The following GATAD2B variants were observed in gnomAD, a reference collection of about 807,000 sequenced individuals.
GATAD2B encodes transcriptional repressor p66-beta.
In GATAD2B, 8 loss-of-function variants were observed where a neutral mutation model predicts 64.3. That is an observed-to-expected ratio of 0.12 (90% confidence interval 0.07 to 0.22). The LOEUF (loss-of-function observed/expected upper bound fraction) is 0.22. Ranked by LOEUF, GATAD2B falls within the 10% of genes least tolerant of loss-of-function variation. The pLI, the probability that GATAD2B is intolerant of heterozygous loss-of-function variation, is 1.00. For missense variants in GATAD2B, 453 were observed against 752.0 expected (o/e 0.60, Z 4.65); for synonymous variants, 281 against 271.3 (o/e 1.04, Z -0.35).
chr1:153,911,502 A>C (rs367566546), intron 1 of GATAD2B, among the ~76,000 whole-genome samples: 3 of 152,318 alleles, frequency 2.0e-5, no homozygotes, highest in Non-Finnish European at 4.4e-5. Context: ...TGGGAGGCCG[A>C]GGCGGGTGGA....
chr1:153,826,381 C>A (rs968731962), intron 2 of GATAD2B, among the ~76,000 whole-genome samples: 3 of 152,110 alleles, frequency 2.0e-5, no homozygotes, highest in Non-Finnish European at 2.9e-5. Context: ...ATAATCCCAG[C>A]ACTTTGGGAG....
At chr1:153,852,737 G>C (rs1450525815) in intron 1 of GATAD2B, 1 of 917,816 alleles carries the variant, frequency 1.1e-6, no homozygotes, top group Non-Finnish European at 1.8e-6. Context: ...TTGGTAGACA[G>C]GGAGTGAAGC....
At chr1:153,868,733 A>G (rs1465054388) in intron 1 of GATAD2B, among the ~76,000 whole-genome samples, 1 of 149,768 alleles carries the variant, frequency 6.7e-6, no homozygotes, top group Non-Finnish European at 1.5e-5. Flanking sequence ...TATATATACT[A>G]TATACTTTTT....
chr1:153,842,251 G>A (rs1307627977), intron 1 of GATAD2B, among the ~76,000 whole-genome samples: 1 of 152,100 alleles, frequency 6.6e-6, no homozygotes, highest in African/African-American at 2.4e-5. Context: ...ATGTTTATTT[G>A]CCATCTGTAA....
chr1:153,845,251 T>A (rs1464548385), intron 1 of GATAD2B, among the ~76,000 whole-genome samples: 2 of 152,012 alleles, frequency 1.3e-5, no homozygotes, highest in Non-Finnish European at 2.9e-5. Flanking sequence ...ATATTTACGG[T>A]CAATTGATTT....
Position 153,876,211 on chromosome 1 carries a change from C to T in GATAD2B, c.-2+46522G>A, listed in dbSNP as rs192400497. 2.5e-4 allele frequency among the ~76,000 whole-genome samples: 24 copies of T among 94,222 alleles called. 1 individual carries two copies. The East Asian group carries it at 8.7e-3, about 34-fold the overall frequency. The allele number at this position is 94,222 out of a possible 152,430, so 61.8% of individuals were successfully genotyped here. ...CCACTACACTCCAGCCTGGGCAACA[C>T]AGTGAGACTTCGTCTCAAAAAAAAA... is the stretch of plus-strand genomic sequence containing the variant. On this transcript the variant is annotated intron_variant, in intron 1 of 10. Transcript: ENST00000368655.
chr1:153,875,671 C>T (rs1335729701), intron 1 of GATAD2B, among the ~76,000 whole-genome samples: 2 of 109,012 alleles, frequency 1.8e-5, no homozygotes, highest in African/African-American at 3.7e-5. Flanking sequence ...AGACCTACCA[C>T]GAGTTTGGAG....
At chr1:153,922,380 C>T (rs1449930978) in intron 1 of GATAD2B, among the ~76,000 whole-genome samples, 1 of 143,470 alleles carries the variant, frequency 7.0e-6, no homozygotes, top group African/African-American at 2.6e-5. Flanking sequence ...GCGGGGGAAA[C>T]GGGGCGTGAG....
chr1:153,894,678 C>A, intron 1 of GATAD2B, among the ~76,000 whole-genome samples: 1 of 150,986 alleles, frequency 6.6e-6, no homozygotes, highest in East Asian at 2.0e-4. Context: ...CTGGCTAACA[C>A]GGGGAAACCC....
chr1:153,831,554 A>G (rs753867672), intron 1 of GATAD2B, among the ~76,000 whole-genome samples: 11 of 152,190 alleles, frequency 7.2e-5, no homozygotes, highest in Non-Finnish European at 1.6e-4. Context: ...ATATCATACA[A>G]TTCACCTATG....
intron 1 of GATAD2B, among the ~76,000 whole-genome samples, chr1:153,894,521 T>C (rs1357091947): frequency 6.6e-6 from 1 of 151,758 alleles, no homozygotes; most frequent in Non-Finnish European, 1.5e-5. Flanking sequence ...GGTGGTCACC[T>C]TACAATTAAA....
intron 1 of GATAD2B, among the ~76,000 whole-genome samples, chr1:153,860,071 C>T (rs1294395490): frequency 3.3e-5 from 5 of 151,724 alleles, no homozygotes; most frequent in Non-Finnish European, 4.4e-5. Context: ...GTGGCCACCA[C>T]GCCCAGCTAA....
intron 1 of GATAD2B, among the ~76,000 whole-genome samples, chr1:153,832,353 C>T (rs1421705929): frequency 6.6e-6 from 1 of 152,220 alleles, no homozygotes; most frequent in East Asian, 1.9e-4. Context: ...TTTTAGTGCA[C>T]TGGCAAGATC....
At chr1:153,879,238 C>T (rs561075257) in intron 1 of GATAD2B, among the ~76,000 whole-genome samples, 241 of 151,868 alleles carry the variant, frequency 1.6e-3, no homozygotes, top group African/African-American at 5.4e-3. Context: ...CCACACCTGG[C>T]CAATTTTTTT....
intron 1 of GATAD2B, among the ~76,000 whole-genome samples, chr1:153,833,715 C>T (rs1403308121): frequency 7.0e-6 from 1 of 143,560 alleles, no homozygotes; most frequent in South Asian, 2.2e-4. Context: ...GAGGGTGAGG[C>T]AGGAGAATAG....
chr1:153,875,872 A>G (rs975337133), intron 1 of GATAD2B, among the ~76,000 whole-genome samples: 2 of 152,058 alleles, frequency 1.3e-5, no homozygotes, highest in Non-Finnish European at 2.9e-5. Context: ...GAACCTCTGG[A>G]GATATAATTA....
chr1:153,831,861 A>C (rs1675087684), intron 1 of GATAD2B, among the ~76,000 whole-genome samples: 1 of 152,216 alleles, frequency 6.6e-6, no homozygotes, highest in African/African-American at 2.4e-5. Context: ...AGACGCAAAA[A>C]GTACAGCCAT....
intron 1 of GATAD2B, among the ~76,000 whole-genome samples, chr1:153,850,311 C>T (rs1675843999): frequency 6.6e-6 from 1 of 151,826 alleles, no homozygotes; most frequent in Non-Finnish European, 1.5e-5. Context: ...AATTATTTTT[C>T]CTTTTTAGGA....
intron 1 of GATAD2B, among the ~76,000 whole-genome samples, chr1:153,891,574 TAAAAAAAAAA>T (rs1163572311): frequency 3.5e-4 from 7 of 19,944 alleles, no homozygotes; most frequent in South Asian, 0.012. Context: ...CTGTCTCGTT[TAAAAAAAAAA>T]AAAAAAAAAA....
Sources: gnomAD v4.1 joint callset for allele counts (sites outside exome capture counted in the v4.1 genomes callset) on GRCh38, gnomAD v4.1.1 for gene constraint, MANE v1.5 for transcripts, NCBI Gene and HGNC (gene_info 2026-07-23, HGNC 2026-07-21) for gene names.